Variants in FBXO47 observed in about 807,000 individuals in gnomAD.
FBXO47 encodes F-box only protein 47.
In FBXO47, 34 loss-of-function variants were observed where a neutral mutation model predicts 53.9. The ratio of observed to expected loss-of-function variants is 0.63; its 90% confidence interval spans 0.48 to 0.84. FBXO47 has a LOEUF of 0.84. Among genes scored for constraint, FBXO47 ranks in the 40% least tolerant of loss-of-function variants. FBXO47 has a pLI of 0.00. For missense variants in FBXO47, 485 were observed against 541.3 expected (o/e 0.90, Z 1.03); for synonymous variants, 165 against 181.6 (o/e 0.91, Z 0.73).
chr17:38,966,960 A>G (rs1480837000), intron 1 of FBXO47, among the ~76,000 whole-genome samples: 2 of 152,022 alleles, frequency 1.3e-5, no homozygotes, highest in Non-Finnish European at 2.9e-5. Context: ...TGAGGGTTCA[A>G]TTGGATGAAC....
At chr17:38,947,047 TA>T (rs1048910220) in intron 6 of FBXO47, among the ~76,000 whole-genome samples, 67 of 131,394 alleles carry the variant, frequency 5.1e-4, no homozygotes, top group Admixed American at 1.7e-3. Flanking sequence ...TGTAAATATA[TA>T]AAAACATATA....
intron 3 of FBXO47, 100 bp downstream of exon 3, chr17:38,961,777 A>C: frequency 9.9e-7 from 1 of 1,009,864 alleles, no homozygotes; most frequent in East Asian, 2.5e-5. Context: ...CATATTTTGG[A>C]ATATATTCCA....
intron 2 of FBXO47, 98 bp downstream of exon 2, chr17:38,962,747 A>T: frequency 1.3e-6 from 1 of 769,370 alleles, no homozygotes; most frequent in Non-Finnish European, 2.0e-6. Flanking sequence ...GAATGTCATT[A>T]ACATTTTAGC....
chr17:38,952,377 G>A (rs1474110594), intron 5 of FBXO47, among the ~76,000 whole-genome samples: 1 of 152,026 alleles, frequency 6.6e-6, no homozygotes, highest in Non-Finnish European at 1.5e-5. Flanking sequence ...GAGTGTAACT[G>A]TTTTTAGCAT....
At chr17:38,965,003 C>T (rs984072266) in intron 1 of FBXO47, among the ~76,000 whole-genome samples, 3 of 151,882 alleles carry the variant, frequency 2.0e-5, no homozygotes, top group Admixed American at 6.6e-5. Flanking sequence ...GCGTGTGCTA[C>T]CACACTCAGC....
intron 6 of FBXO47, among the ~76,000 whole-genome samples, chr17:38,946,448 AACTATATAAATATATATG>A (rs1395629624): frequency 6.3e-5 from 6 of 95,704 alleles, no homozygotes; most frequent in African/African-American, 2.3e-4. Context: ...GAATATATAT[AACTATATAAATATATATG>A]AATATATATA....
chr17:38,959,682 C>T (rs932337431), intron 3 of FBXO47, among the ~76,000 whole-genome samples: 2 of 149,254 alleles, frequency 1.3e-5, no homozygotes, highest in Admixed American at 6.7e-5. Flanking sequence ...GGGTCTCACT[C>T]TGTTGCCAAG....
chr17:38,938,551 C>T, intron 10 of FBXO47, 22 bp downstream of exon 10: 1 of 1,583,080 alleles, frequency 6.3e-7, no homozygotes. Flanking sequence ...CACACCTGTG[C>T]ACCAAGTACA....
rs776035859 is a variant in FBXO47 at position 38,938,646 on chromosome 17, T to C, written c.1170A>G (p.Arg390=). The change falls in exon 10 of 11, where the codon AGA becomes AGG. Residue 390 remains arginine, a synonymous_variant. Transcript: ENST00000378079. ...TTGCCACATTCTGCAGGAAGTTCTTTCTTTCCACTGGAGTGCTAAAGACTT... is the reference window on the plus strand; with the variant it reads ...TTGCCACATTCTGCAGGAAGTTCTTCCTTTCCACTGGAGTGCTAAAGACTT... The part of the protein sequence containing the change: ...VCKVFSTPVE[R]KNFLQNVANA... 3 of 1,613,876 alleles carry C rather than the reference T, an allele frequency of 1.9e-6. No homozygotes were observed. Among genetic ancestry groups the C allele is most frequent in the Non-Finnish European group, 2.5e-6 (3 of 1,179,852 alleles).
At chr17:38,956,649 T>C (rs1252495005) in intron 4 of FBXO47, among the ~76,000 whole-genome samples, 14 of 151,624 alleles carry the variant, frequency 9.2e-5, no homozygotes, top group African/African-American at 2.9e-4. Context: ...CCACTGAGTG[T>C]AGAACTGAAC....
intron 1 of FBXO47, 56 bp from the exon 2 acceptor site, chr17:38,963,107 A>G: frequency 1.7e-6 from 2 of 1,176,490 alleles, no homozygotes; most frequent in Middle Eastern, 4.0e-4. Flanking sequence ...AAAGCAAGAA[A>G]GAGATTTTTT....
intron 6 of FBXO47, among the ~76,000 whole-genome samples, chr17:38,946,506 CTA>C (rs1192567065): frequency 3.4e-5 from 2 of 59,534 alleles, no homozygotes; most frequent in Non-Finnish European, 5.3e-5. Context: ...ATATATATAA[CTA>C]TATAAATATA....
intron 5 of FBXO47, 110 bp from the exon 6 acceptor site, chr17:38,951,799 G>C: frequency 1.4e-6 from 1 of 690,856 alleles, no homozygotes; most frequent in Non-Finnish European, 2.4e-6. Flanking sequence ...GGGAGGCCAA[G>C]GTGGGTGGAT....
chr17:38,956,591 CA>C (rs1158036745), intron 4 of FBXO47, among the ~76,000 whole-genome samples: 225 of 55,954 alleles, frequency 4.0e-3, no homozygotes, highest in Middle Eastern at 0.014. Flanking sequence ...TCTGTCTCAA[CA>C]AAAAAAAAAA....
intron 5 of FBXO47, among the ~76,000 whole-genome samples, chr17:38,953,128 CACACACA>C (rs1905384359): frequency 2.2e-5 from 2 of 90,124 alleles, no homozygotes; most frequent in Admixed American, 1.7e-4. Flanking sequence ...AAAAAAACCA[CACACACA>C]CACACACACA....
chr17:38,942,622 T>C (rs1016256254), intron 9 of FBXO47, among the ~76,000 whole-genome samples, 156 bp downstream of exon 9: 2 of 152,138 alleles, frequency 1.3e-5, no homozygotes, highest in Non-Finnish European at 2.9e-5. Context: ...AGAAAACATA[T>C]GTTTTAATAT....
chr17:38,953,602 G>A (rs1181450885), intron 5 of FBXO47, among the ~76,000 whole-genome samples: 1 of 152,154 alleles, frequency 6.6e-6, no homozygotes, highest in Non-Finnish European at 1.5e-5. Context: ...TCCAGCCTGG[G>A]CGACAGAGTG....
chr17:38,944,844 A>G (rs75539440), intron 7 of FBXO47, 116 bp downstream of exon 7: 3 of 428,352 alleles, frequency 7.0e-6, no homozygotes, highest in East Asian at 6.8e-5. Flanking sequence ...GTGTGCGTGC[A>G]TGCATGTGTG....
At chr17:38,962,759 T>G in intron 2 of FBXO47, 86 bp downstream of exon 2, 2 of 877,442 alleles carry the variant, frequency 2.3e-6, no homozygotes, top group Non-Finnish European at 3.4e-6. Context: ...CATTTTAGCA[T>G]GGCCCAAGAT....
Sources: allele counts gnomAD v4.1 joint callset (sites outside exome capture counted in the v4.1 genomes callset), GRCh38; gene constraint gnomAD v4.1.1; transcripts MANE v1.5; gene names NCBI Gene and HGNC (gene_info 2026-07-23, HGNC 2026-07-21).